SMC1A: variants seen among roughly 807,000 people sequenced by gnomAD.
SMC1A encodes structural maintenance of chromosomes protein 1A.
A neutral mutation model predicts 94.5 loss-of-function variants in SMC1A; 4 were observed. The observed-to-expected ratio is 0.04, with a 90% CI of 0.02 to 0.10. The LOEUF (loss-of-function observed/expected upper bound fraction) is 0.10. SMC1A is among the 10% of genes least tolerant of loss of function. The pLI, the probability that SMC1A is intolerant of heterozygous loss-of-function variation, is 1.00. For missense variants in SMC1A, 304 were observed against 989.0 expected, an observed-to-expected ratio of 0.31 and a Z score of 9.29; for synonymous variants, 345 against 347.7, an observed-to-expected ratio of 0.99 and a Z score of 0.09.
Position 53,398,868 on chromosome X carries a change from C to T in SMC1A, c.2562+721G>A, listed in dbSNP as rs1004380300. On this transcript the variant is annotated intron_variant, in intron 16 of 24. Transcript: ENST00000322213. ...AAGCTTTGCCAGCATTTTGGATGAT[C>T]TCCTCAGGTACTACTGAGTTACAGA... Among the ~76,000 whole-genome samples the T allele has an allele frequency of 3.6e-5, 4 of 111,589 alleles. No homozygotes were observed. In the South Asian group the frequency reaches 1.5e-3, roughly 42 times the overall value.
chrX:53,405,171 G>T (rs1556889488), intron 12 of SMC1A, 22 bp from the exon 13 acceptor site: 1 of 1,212,056 alleles, frequency 8.3e-7, no homozygotes, highest in South Asian at 1.8e-5. Flanking sequence ...AAGAAAGAAG[G>T]GCTAGGTGGT....
At chrX:53,408,009 T>C (rs2075697535) in intron 9 of SMC1A, among the ~76,000 whole-genome samples, 1 of 109,824 alleles carries the variant, frequency 9.1e-6, no homozygotes, top group Admixed American at 9.6e-5. Flanking sequence ...TTATATATAT[T>C]ATTTCAAATT....
intron 1 of SMC1A, 55 bp downstream of exon 1, chrX:53,422,437 C>T (rs1963220031): frequency 2.4e-6 from 2 of 847,762 alleles, no homozygotes; most frequent in East Asian, 3.1e-5. Context: ...ACTCCGGCAC[C>T]GGATAAGGGG....
chrX:53,394,917 G>A (rs781891427), intron 18 of SMC1A, 29 bp from the exon 19 acceptor site: 6 of 925,823 alleles, frequency 6.5e-6, no homozygotes, highest in Non-Finnish European at 9.4e-6. Context: ...GTCAAGTGGA[G>A]CAGACTGGCC....
chrX:53,384,078 AT>A (rs1569352229), intron 19 of SMC1A, among the ~76,000 whole-genome samples: 1 of 110,596 alleles, frequency 9.0e-6, no homozygotes, highest in Non-Finnish European at 1.9e-5. Flanking sequence ...TATTTTGGGT[AT>A]AAATAAGTAT....
chrX:53,396,379 C>T lies in SMC1A; in HGVS notation c.2710G>A (p.Glu904Lys). 8.3e-7 allele frequency: 1 copy of T among 1,211,424 alleles called. No homozygotes were observed. Among genetic ancestry groups the T allele is most frequent in the Non-Finnish European group, 1.1e-6 (1 of 895,436 alleles). ...IRKKLGGANK[E>K]MTHLQKEVTA... ...ACCTCCTTCTGTAAATGGGTCATTTCCCTAAAAAAGGTCCAGGGGCTAGGT... is the reference window on the plus strand; with the variant it reads ...ACCTCCTTCTGTAAATGGGTCATTTTCCTAAAAAAGGTCCAGGGGCTAGGT... The change falls in exon 18 of 25, where the codon GAA becomes AAA. Residue 904 changes from glutamate (E) to lysine (K), a missense_variant and splice_region_variant. By Grantham distance (56) the Glu-to-Lys change is moderately conservative. Transcript: ENST00000322213.
intron 22 of SMC1A, 66 bp from the exon 23 acceptor site, chrX:53,381,153 A>C (rs996269240): frequency 2.1e-5 from 13 of 629,031 alleles, no homozygotes; most frequent in Non-Finnish European, 3.5e-5. Flanking sequence ...GGGGTGGGAC[A>C]GCCCCAGGGC....
chrX:53,396,666 T>C (rs782130499), intron 16 of SMC1A, 49 bp from the exon 17 acceptor site: 4 of 1,170,208 alleles, frequency 3.4e-6, no homozygotes, highest in Non-Finnish European at 4.6e-6. Context: ...TTTCCCCATC[T>C]TACCCTGGGA....
chrX:53,402,811 G>C (rs2075675464), intron 15 of SMC1A, among the ~76,000 whole-genome samples: 1 of 84,261 alleles, frequency 1.2e-5, no homozygotes. Flanking sequence ...GGAGAATGCA[G>C]TGAGCCGAGA....
chrX:53,382,360 A>G lies in SMC1A; in HGVS notation c.3309T>C (p.Pro1103=). Residue 1103 remains proline, a synonymous_variant, in exon 22 of 25, where the codon CCT becomes CCC. Transcript: ENST00000322213. ...SAQAFLGPEN[P]EEPYLDGINY... Reference sequence around the variant, plus strand: ...TGATGCCATCCAAGTAGGGCTCTTCAGGGTTCTCAGGGCCCAGGAATGCCT... The same window carrying G: ...TGATGCCATCCAAGTAGGGCTCTTCGGGGTTCTCAGGGCCCAGGAATGCCT... The G allele has an allele frequency of 8.3e-7, 1 of 1,208,147 alleles. No individual in the cohort carries two copies. Among genetic ancestry groups the G allele is most frequent in the Non-Finnish European group, 1.1e-6 (1 of 893,629 alleles).
intron 19 of SMC1A, among the ~76,000 whole-genome samples, chrX:53,393,878 C>T (rs1347905188): frequency 9.0e-6 from 1 of 110,748 alleles, no homozygotes; most frequent in East Asian, 2.8e-4. Flanking sequence ...TATTTAGGGC[C>T]GGGCACAGTG....
intron 16 of SMC1A, among the ~76,000 whole-genome samples, chrX:53,399,368 T>G (rs1169810496): frequency 8.9e-6 from 1 of 112,961 alleles, no homozygotes; most frequent in Non-Finnish European, 1.9e-5. Context: ...TTTGCATTTC[T>G]TTAGTAAGAC....
chrX:53,406,032 G>A, intron 9 of SMC1A, 76 bp from the exon 10 acceptor site: 5 of 948,565 alleles, frequency 5.3e-6, no homozygotes, highest in South Asian at 2.0e-5. Flanking sequence ...TCCCAGTATG[G>A]AAAGGGGGAC....
At chrX:53,382,016 G>A (rs1261996352) in intron 22 of SMC1A, 2 of 454,898 alleles carry the variant, frequency 4.4e-6, no homozygotes. Flanking sequence ...TACATGCAGA[G>A]GCCGGTGAGG....
At chrX:53,391,213 G>A (rs2075628338) in intron 19 of SMC1A, among the ~76,000 whole-genome samples, 1 of 109,431 alleles carries the variant, frequency 9.1e-6, no homozygotes, top group African/African-American at 3.3e-5. Context: ...TACTCAGGAC[G>A]CTGAGATAGG....
In SMC1A at chrX:53,414,876, A is replaced by C; in HGVS notation, c.299-6T>G. 1 of 1,194,285 alleles carries C rather than the reference A, an allele frequency of 8.4e-7. No individual in the cohort carries two copies. On this transcript the variant is annotated splice_region_variant and splice_polypyrimidine_tract_variant and intron_variant, in intron 2 of 24. Coordinates refer to ENST00000322213, the MANE Select transcript of SMC1A (RefSeq NM_006306.4). The stretch of plus-strand genomic sequence containing the variant: ...CTTGTACTCAGAAGAACCTCCTACA[A>C]GACAATGCATGAGTTGGCAAGGGTC...
chrX:53,412,123 G>A lies in SMC1A; in HGVS notation c.985C>T (p.Arg329Cys). The A allele has an allele frequency of 2.5e-6, 3 of 1,211,135 alleles. No individual in the cohort carries two copies. The highest frequency in any genetic ancestry group is 3.4e-6 in the Non-Finnish European group (3 of 895,201). ...TCCAGCTCATCCATGTCACCTTTAC[G>A]CTTCTTGTAGTGCTTCTGAGCATTC... ...LQNAQKHYKKRKGDMDELEKE... is the reference protein window; with the variant it reads ...LQNAQKHYKKCKGDMDELEKE... The change falls in exon 6 of 25, where the codon CGT becomes TGT. Residue 329 changes from arginine (R) to cysteine (C), a missense_variant. Coordinates refer to ENST00000322213, the MANE Select transcript of SMC1A (RefSeq NM_006306.4).
rs782751496 is a variant in SMC1A at position 53,415,089 on chromosome X, G to A, written c.190C>T (p.Leu64=). The stretch of plus-strand genomic sequence containing the variant: ...TTGCCCACAGGAGCTCCATGGATCA[G>A]GTCCCGCAGGGTCTTTACCCGCAGG... The part of the protein sequence containing the change: ...SNLRVKTLRD[L]IHGAPVGKPA... Residue 64 remains leucine, a synonymous_variant, in exon 2 of 25, where the codon CTG becomes TTG. Transcript: ENST00000322213. The A allele has an allele frequency of 1.7e-6, 2 of 1,210,847 alleles. No individual in the cohort carries two copies. Among genetic ancestry groups the A allele is most frequent in the Admixed American group, 4.4e-5 (2 of 45,963 alleles).
chrX:53,407,376 G>A (rs372197380), intron 9 of SMC1A, among the ~76,000 whole-genome samples: 1 of 112,362 alleles, frequency 8.9e-6, no homozygotes. Flanking sequence ...GGTACCTGGA[G>A]GGTGGCTTGC....
Sources: allele counts gnomAD v4.1 joint callset (sites outside exome capture counted in the v4.1 genomes callset), GRCh38; gene constraint gnomAD v4.1.1; transcripts MANE v1.5; gene names NCBI Gene and HGNC (gene_info 2026-07-23, HGNC 2026-07-21).